AUTS2: variants seen among roughly 807,000 people sequenced by gnomAD.
The protein encoded by AUTS2 is autism susceptibility gene 2 protein.
AUTS2 carries 17 observed loss-of-function variants against 112.4 expected under a neutral mutation model. The ratio of observed to expected loss-of-function variants is 0.15; its 90% CI spans 0.10 to 0.23. The LOEUF (loss-of-function observed/expected upper bound fraction) is 0.23, where lower values mean the gene tolerates loss of function less well. Ranked by LOEUF, AUTS2 falls within the 10% of genes least tolerant of loss-of-function variation. AUTS2 has a pLI of 1.00. For synonymous variants in AUTS2, 751 were observed against 702.7 expected, an observed-to-expected ratio of 1.07 and a Z score of -1.09; for missense variants, 1,510 against 1,701.6, an observed-to-expected ratio of 0.89 and a Z score of 1.98.
intron 1 of AUTS2, among the ~76,000 whole-genome samples, chr7:69,873,198 A>G (rs1411675225): frequency 6.6e-6 from 1 of 152,170 alleles, no homozygotes; most frequent in Non-Finnish European, 1.5e-5. Context: ...TCCAGGATTT[A>G]TAAGTTCAGA....
At chr7:70,131,760 G>A (rs1806283663) in intron 3 of AUTS2, among the ~76,000 whole-genome samples, 1 of 151,920 alleles carries the variant, frequency 6.6e-6, no homozygotes, top group Non-Finnish European at 1.5e-5. Flanking sequence ...TGGGCCTTTT[G>A]GATGCGAGAC....
intron 2 of AUTS2, among the ~76,000 whole-genome samples, chr7:69,954,789 A>G (rs1016878485): frequency 4.6e-5 from 7 of 152,206 alleles, no homozygotes; most frequent in Non-Finnish European, 1.0e-4. Context: ...GAGAAATTCA[A>G]GTGATCCCAG....
At chr7:70,528,984 T>C (rs947225543) in intron 5 of AUTS2, among the ~76,000 whole-genome samples, 1 of 152,150 alleles carries the variant, frequency 6.6e-6, no homozygotes, top group African/African-American at 2.4e-5. Context: ...ATTCATAAAC[T>C]ATGGCCATGT....
At chr7:70,523,066 T>C (rs577896127) in intron 5 of AUTS2, among the ~76,000 whole-genome samples, 4 of 152,250 alleles carry the variant, frequency 2.6e-5, no homozygotes, top group Non-Finnish European at 5.9e-5. Context: ...CCTGGGACTT[T>C]ATGCAGTGAA....
chr7:69,967,879 C>G (rs1050999371), intron 2 of AUTS2, among the ~76,000 whole-genome samples: 1 of 152,172 alleles, frequency 6.6e-6, no homozygotes, highest in Non-Finnish European at 1.5e-5. Context: ...ATGGGCTCCT[C>G]TGGCCACTTG....
At chr7:70,167,481 A>C (rs1808445547) in intron 4 of AUTS2, among the ~76,000 whole-genome samples, 1 of 152,198 alleles carries the variant, frequency 6.6e-6, no homozygotes, top group Non-Finnish European at 1.5e-5. Context: ...TTGAGATTTC[A>C]TTGCTCATCC....
At chr7:70,785,712 C>T (rs565280339) in intron 16 of AUTS2, among the ~76,000 whole-genome samples, 4 of 152,330 alleles carry the variant, frequency 2.6e-5, no homozygotes, top group Admixed American at 2.6e-4. Flanking sequence ...CCCCACTGGG[C>T]AAAGGAAGAG....
chr7:69,734,489 G>A (rs1224415456), intron 1 of AUTS2, among the ~76,000 whole-genome samples: 1 of 151,656 alleles, frequency 6.6e-6, no homozygotes, highest in East Asian at 1.9e-4. Flanking sequence ...CTGGGATTGA[G>A]GGGGATGAGG....
At chr7:70,314,037 T>C (rs1355144118) in intron 4 of AUTS2, among the ~76,000 whole-genome samples, 1 of 152,236 alleles carries the variant, frequency 6.6e-6, no homozygotes, top group Non-Finnish European at 1.5e-5. Context: ...CCCTGCCTTC[T>C]TTTTAAGCAG....
At chr7:70,472,243 T>C (rs1224269351) in intron 5 of AUTS2, among the ~76,000 whole-genome samples, 1 of 152,210 alleles carries the variant, frequency 6.6e-6, no homozygotes, top group East Asian at 1.9e-4. Context: ...AACAGACTGA[T>C]GGACCGAGTT....
intron 2 of AUTS2, among the ~76,000 whole-genome samples, chr7:70,076,502 G>T (rs756863796): frequency 6.6e-6 from 1 of 152,198 alleles, no homozygotes. Flanking sequence ...AGGACTTACT[G>T]TAGTTAGGTA....
At chr7:70,091,295 G>A (rs949726453) in intron 2 of AUTS2, among the ~76,000 whole-genome samples, 3 of 152,020 alleles carry the variant, frequency 2.0e-5, no homozygotes, top group Admixed American at 2.0e-4. Context: ...CTGCATTGGT[G>A]TACTTTTCTT....
intron 2 of AUTS2, among the ~76,000 whole-genome samples, chr7:70,003,238 G>A (rs1386905789): frequency 2.4e-5 from 3 of 124,454 alleles, no homozygotes; most frequent in Admixed American, 1.8e-4. Context: ...TATTATATAT[G>A]AATATATTAT....
At chr7:69,800,288 T>C (rs1790025764) in intron 1 of AUTS2, among the ~76,000 whole-genome samples, 1 of 152,104 alleles carries the variant, frequency 6.6e-6, no homozygotes, top group African/African-American at 2.4e-5. Flanking sequence ...TGAGAACATG[T>C]GATAATTAAG....
intron 4 of AUTS2, among the ~76,000 whole-genome samples, chr7:70,299,524 G>A (rs559104648): frequency 1.3e-5 from 2 of 152,148 alleles, no homozygotes; most frequent in African/African-American, 4.8e-5. Context: ...CCCAAAAATA[G>A]GTGCTTGAAA....
intron 2 of AUTS2, among the ~76,000 whole-genome samples, chr7:69,901,696 T>C (rs886263714): frequency 9.2e-5 from 14 of 152,240 alleles, no homozygotes; most frequent in African/African-American, 2.2e-4. Context: ...ACAAGGAGTA[T>C]TTTCTTACCT....
intron 4 of AUTS2, among the ~76,000 whole-genome samples, chr7:70,336,614 A>G (rs1791001772): frequency 6.6e-6 from 1 of 152,172 alleles, no homozygotes; most frequent in South Asian, 2.1e-4. Flanking sequence ...GCTATGATGT[A>G]TACACATTCA....
intron 2 of AUTS2, among the ~76,000 whole-genome samples, chr7:69,977,116 T>A (rs1798091263): frequency 6.6e-6 from 1 of 152,228 alleles, no homozygotes; most frequent in African/African-American, 2.4e-5. Flanking sequence ...GTTGAGTTAA[T>A]TTTTGTATAT....
intron 1 of AUTS2, among the ~76,000 whole-genome samples, chr7:69,609,446 C>T (rs1185769236): frequency 1.3e-5 from 2 of 152,054 alleles, no homozygotes; most frequent in Non-Finnish European, 2.9e-5. Context: ...TTAAACACTG[C>T]CTCCCACCTC....
Sources: allele counts gnomAD v4.1 joint callset (sites outside exome capture counted in the v4.1 genomes callset), GRCh38; gene constraint gnomAD v4.1.1; transcripts MANE v1.5; gene names NCBI Gene and HGNC (gene_info 2026-07-23, HGNC 2026-07-21).